Variants in SRP72 observed in about 807,000 individuals in gnomAD.
SRP72 encodes signal recognition particle 72, also known as signal recognition particle subunit SRP72.
Under a neutral mutation model 96.3 loss-of-function variants are expected in SRP72, and 49 were observed. That is an observed-to-expected ratio of 0.51 (90% CI 0.40 to 0.65). The LOEUF (loss-of-function observed/expected upper bound fraction) is 0.65. Among genes scored for constraint, SRP72 ranks in the 30% least tolerant of loss-of-function variants. The pLI, the probability that SRP72 is intolerant of heterozygous loss-of-function variation, is 0.00. For missense variants in SRP72, 736 were observed against 793.3 expected (o/e 0.93, Z 0.87); for synonymous variants, 267 against 275.2 (o/e 0.97, Z 0.30).
chr4:56,467,883 T>C, intron 1 of SRP72, 139 bp downstream of exon 1: 1 of 886,800 alleles, frequency 1.1e-6, no homozygotes, highest in Non-Finnish European at 1.6e-6. Flanking sequence ...TCCGCCCGGC[T>C]CGGGCCCTAG....
At chr4:56,483,349 C>CT in intron 9 of SRP72, 79 bp downstream of exon 9, 1 of 1,380,034 alleles carries the variant, frequency 7.2e-7, no homozygotes, top group Non-Finnish European at 9.9e-7. Context: ...TTAGTCTAAT[C>CT]TTTTTATAGT....
chr4:56,479,519 C>T lies in SRP72; in HGVS notation c.825+870C>T, dbSNP rs563696900. On this transcript the variant is annotated intron_variant, in intron 8 of 18. Coordinates refer to ENST00000642900, the MANE Select transcript of SRP72 (RefSeq NM_006947.4). ...GAAAAAGCTTTATTTTTCTTTCTTTCTTTTTTTTTTTTTTTTTGAGACTGT... is the reference window on the plus strand; with the variant it reads ...GAAAAAGCTTTATTTTTCTTTCTTTTTTTTTTTTTTTTTTTTTGAGACTGT... Among the ~76,000 whole-genome samples, 9 of 138,018 alleles carry T rather than the reference C, an allele frequency of 6.5e-5. No homozygotes were observed. In the East Asian group the frequency reaches 1.4e-3, roughly 22 times the overall value. The allele number at this position is 138,018 out of a possible 152,430, so 90.5% of individuals were successfully genotyped here. A position where few individuals can be genotyped will look rare whatever the true frequency, so the allele number is the denominator to read the frequency against.
intron 1 of SRP72, 97 bp from the exon 2 acceptor site, chr4:56,469,556 A>T: frequency 8.3e-7 from 1 of 1,199,816 alleles, no homozygotes; most frequent in Non-Finnish European, 1.1e-6. Context: ...CAATAAAAGT[A>T]GAAATTTAGC....
At chr4:56,481,671 A>G (rs1037332239) in intron 8 of SRP72, among the ~76,000 whole-genome samples, 9 of 151,942 alleles carry the variant, frequency 5.9e-5, no homozygotes, top group African/African-American at 2.2e-4. Context: ...CACTACAGGC[A>G]TACCTCATTT....
chr4:56,492,408 A>G (rs1720941101), intron 16 of SRP72, among the ~76,000 whole-genome samples: 1 of 152,190 alleles, frequency 6.6e-6, no homozygotes, highest in African/African-American at 2.4e-5. Context: ...TCGTCATCTT[A>G]AAAATATAGT....
At chr4:56,478,894 A>C (rs573089003) in intron 8 of SRP72, among the ~76,000 whole-genome samples, 47 of 152,320 alleles carry the variant, frequency 3.1e-4, no homozygotes, top group Admixed American at 6.5e-4. Flanking sequence ...TTTTCCCAGC[A>C]TCTAATAGTA....
At chr4:56,496,983 C>G (rs1305272964) in intron 17 of SRP72, among the ~76,000 whole-genome samples, 1 of 151,952 alleles carries the variant, frequency 6.6e-6, no homozygotes, top group African/African-American at 2.4e-5. Flanking sequence ...GTGAGACCCT[C>G]TCCCTGCCCC....
rs760850441 is a variant in SRP72 at position 56,483,245 on chromosome 4, C to T, written c.932C>T (p.Ala311Val). Residue 311 changes from alanine to valine, a missense_variant, in exon 9 of 19, where the codon GCT (alanine) becomes GTT (valine). This residue lies in a region of SRP72 where 388 missense variants were observed against 431.8 expected (regional missense o/e 0.90). Transcript: ENST00000642900. ...CTACAAGCTATAGAATTTAACAAAG[C>T]TTTACTTGCTATGTACACAAACCAG... Reference protein sequence around the residue: ...KQLQAIEFNKALLAMYTNQAE... With the variant: ...KQLQAIEFNKVLLAMYTNQAE... 1 of 1,612,878 alleles carries T rather than the reference C, an allele frequency of 6.2e-7. No individual in the cohort carries two copies. The highest frequency in any genetic ancestry group is 1.1e-5 in the South Asian group (1 of 90,968).
At chr4:56,500,754 C>A in intron 18 of SRP72, 59 bp downstream of exon 18, 1 of 1,489,940 alleles carries the variant, frequency 6.7e-7, no homozygotes, top group Non-Finnish European at 9.1e-7. Flanking sequence ...TAGATTGACT[C>A]AAGGCTATTA....
At chr4:56,491,852 TA>T (rs2110128229) in intron 16 of SRP72, among the ~76,000 whole-genome samples, 1 of 152,214 alleles carries the variant, frequency 6.6e-6, no homozygotes, top group African/African-American at 2.4e-5. Flanking sequence ...TATTTATTAC[TA>T]TTTTTTTTTT....
chr4:56,467,765 TG>T (rs1560671808), intron 1 of SRP72, 21 bp downstream of exon 1: 1 of 601,888 alleles, frequency 1.7e-6, no homozygotes, highest in Non-Finnish European at 2.5e-6. Context: ...GGGTGGGCAC[TG>T]GGGCGGGCCC....
chr4:56,469,872 A>G, intron 2 of SRP72, 99 bp downstream of exon 2: 1 of 1,220,882 alleles, frequency 8.2e-7, no homozygotes, highest in Non-Finnish European at 1.1e-6. Context: ...GATTTTTTTT[A>G]ACGTTTTTTT....
intron 3 of SRP72, 51 bp from the exon 4 acceptor site, chr4:56,474,003 G>T (rs966130323): frequency 3.8e-6 from 6 of 1,567,822 alleles, no homozygotes; most frequent in Non-Finnish European, 5.2e-6. Context: ...TGATATTAAA[G>T]ACATAACACC....
Position 56,502,163 on chromosome 4 carries a change from A to G in SRP72, c.*302A>G, listed in dbSNP as rs966001244. On this transcript the variant is annotated 3_prime_UTR_variant, in exon 19 of 19. Coordinates refer to ENST00000642900, the MANE Select transcript of SRP72 (RefSeq NM_006947.4). ...ATTTGATCTTTTTTCAGTTTCACAT[A>G]CCTTATCTAAGGTTTCCCAGGATTT... 16 of 270,034 alleles carry G rather than the reference A, an allele frequency of 5.9e-5. No individual in the cohort carries two copies. Among genetic ancestry groups the G allele is most frequent in the African/African-American group, 3.6e-4 (16 of 44,608 alleles). 16.7% of individuals were successfully genotyped at this position (270,034 alleles called of 1,614,324 possible).
At chr4:56,486,441 T>C (rs914308152) in intron 11 of SRP72, 44 bp downstream of exon 11, 6 of 1,486,570 alleles carry the variant, frequency 4.0e-6, no homozygotes, top group South Asian at 2.6e-5. Context: ...AATGAAAACA[T>C]GTTTGGAATG....
At chr4:56,470,911 C>T (rs1719949561) in intron 2 of SRP72, among the ~76,000 whole-genome samples, 1 of 150,578 alleles carries the variant, frequency 6.6e-6, no homozygotes, top group Admixed American at 6.6e-5. Flanking sequence ...ACGCGATTCT[C>T]CTGCCTCAGC....
Position 56,478,649 on chromosome 4 carries a change from G to A in SRP72, c.825G>A (p.Lys275=). Residue 275 remains lysine (K), a splice_region_variant and synonymous_variant, in exon 8 of 19, where the codon AAG becomes AAA. Coordinates refer to ENST00000642900, the MANE Select transcript of SRP72 (RefSeq NM_006947.4). The part of the protein sequence containing the change: ...VIANNIITIN[K]DQNVFDSKKK... ...CAAATAACATCATTACCATTAACAA[G>A]GTATGGAGTATTTGTGCTTTCCATA... is the stretch of plus-strand genomic sequence containing the variant. 6.2e-7 allele frequency: 1 copy of A among 1,613,228 alleles called. No homozygotes were observed.
chr4:56,495,994 A>T (rs915938473), intron 17 of SRP72, among the ~76,000 whole-genome samples: 3 of 152,212 alleles, frequency 2.0e-5, no homozygotes, highest in South Asian at 4.1e-4. Context: ...AGCCCTCTCC[A>T]GACTTGGCAA....
At chr4:56,479,832 GA>G (rs948772341) in intron 8 of SRP72, among the ~76,000 whole-genome samples, 2 of 152,138 alleles carry the variant, frequency 1.3e-5, no homozygotes, top group Admixed American at 6.5e-5. Flanking sequence ...TGGAAAGTAA[GA>G]AAAGTAACAT....
Sources: allele counts gnomAD v4.1 joint callset (sites outside exome capture counted in the v4.1 genomes callset), GRCh38; gene constraint gnomAD v4.1.1; regional missense constraint gnomAD v4.1.1; transcripts MANE v1.5; gene names NCBI Gene and HGNC (gene_info 2026-07-23, HGNC 2026-07-21).